The following MTA3 variants were observed in gnomAD, a reference collection of about 807,000 sequenced individuals.
MTA3 encodes metastasis-associated protein MTA3.
Under a neutral mutation model 83.5 loss-of-function variants are expected in MTA3, and 34 were observed. The observed-to-expected ratio is 0.41, with a 90% CI of 0.31 to 0.54. MTA3 has a LOEUF of 0.54. Ranked by LOEUF, MTA3 falls within the 20% of genes least tolerant of loss-of-function variation. The pLI is 0.33. For synonymous variants in MTA3, 303 were observed against 252.7 expected (o/e 1.20, Z -1.89); for missense variants, 761 against 726.4 (o/e 1.05, Z -0.55).
chr2:42,506,791 A>G (rs945609040), intron 2 of MTA3, among the ~76,000 whole-genome samples: 17 of 152,150 alleles, frequency 1.1e-4, no homozygotes, highest in Middle Eastern at 3.4e-3. Context: ...TAAATTTAGT[A>G]GAGACGGGTT....
chr2:42,674,743 C>T (rs1045971132), intron 8 of MTA3, among the ~76,000 whole-genome samples: 1 of 151,474 alleles, frequency 6.6e-6, no homozygotes. Flanking sequence ...GGACTACAGG[C>T]GCGTGCCACC....
chr2:42,527,044 C>A (rs927537393), intron 2 of MTA3, among the ~76,000 whole-genome samples: 1 of 119,314 alleles, frequency 8.4e-6, no homozygotes, highest in African/African-American at 3.4e-5. Flanking sequence ...CAAAGCAAGA[C>A]TCTGTCTCAA....
chr2:42,622,763 A>G (rs557939519), intron 4 of MTA3, among the ~76,000 whole-genome samples: 1 of 151,626 alleles, frequency 6.6e-6, no homozygotes, highest in Admixed American at 6.6e-5. Flanking sequence ...AAGTGCTGGG[A>G]TTATAGGTGT....
chr2:42,520,275 G>A (rs895630246), intron 2 of MTA3, among the ~76,000 whole-genome samples: 2 of 152,034 alleles, frequency 1.3e-5, no homozygotes, highest in Non-Finnish European at 1.5e-5. Flanking sequence ...TAGATCTCCC[G>A]TTCTTTTCCA....
chr2:42,752,106 T>G, intron 16 of MTA3: 1 of 459,720 alleles, frequency 2.2e-6, no homozygotes, highest in Non-Finnish European at 4.5e-6. Context: ...TTACATAACC[T>G]ACAGTATGTT....
intron 16 of MTA3, among the ~76,000 whole-genome samples, chr2:42,730,038 A>G (rs908122306): frequency 2.0e-4 from 31 of 152,144 alleles, no homozygotes; most frequent in South Asian, 2.1e-4. Flanking sequence ...GTGTTGTCAT[A>G]TAGAAATACT....
chr2:42,698,974 A>G lies in MTA3; in HGVS notation c.1025+1140A>G, dbSNP rs557373882. On this transcript the variant is annotated intron_variant, in intron 11 of 16. Transcript: ENST00000405094. ...CTCAAATAAAATACTGTTGCAACTC[A>G]TGTGTCTTAGATTTTCAAAAGCAAG... 2.0e-5 allele frequency among the ~76,000 whole-genome samples: 3 copies of G among 152,298 alleles called. No individual in the cohort carries two copies. The South Asian group carries it at 6.2e-4, about 32-fold the overall frequency.
chr2:42,559,359 A>C (rs1369038875), intron 2 of MTA3, among the ~76,000 whole-genome samples: 2 of 151,584 alleles, frequency 1.3e-5, no homozygotes, highest in Admixed American at 6.6e-5. Context: ...AAAATTAGCC[A>C]GGCGTGGTGG....
At chr2:42,563,890 C>T (rs1403574328), upstream of MTA3, among the ~76,000 whole-genome samples, 3 of 151,178 alleles carry the variant, frequency 2.0e-5, no homozygotes, top group Non-Finnish European at 4.4e-5. Context: ...ATGGCGCGAT[C>T]TCGGCTCACT....
At chr2:42,567,745 C>CGTAACCA (rs1238020766), upstream of MTA3, among the ~76,000 whole-genome samples, 2 of 151,912 alleles carry the variant, frequency 1.3e-5, no homozygotes, top group Non-Finnish European at 2.9e-5. Flanking sequence ...GCTTTAGGCA[C>CGTAACCA]GTAACCAGTT....
chr2:42,577,040 G>A (rs1450568456), intron 2 of MTA3, among the ~76,000 whole-genome samples: 3 of 140,708 alleles, frequency 2.1e-5, no homozygotes, highest in Admixed American at 7.7e-5. Context: ...GTTGCAGTGA[G>A]CCGAGATTGT....
chr2:42,693,286 G>A (rs116682350), intron 9 of MTA3, among the ~76,000 whole-genome samples: 7 of 152,274 alleles, frequency 4.6e-5, no homozygotes, highest in African/African-American at 1.7e-4. Context: ...ACAATCAGCA[G>A]GTGGCAAAGT....
chr2:42,554,867 C>G (rs1225150384), intron 2 of MTA3, among the ~76,000 whole-genome samples: 1 of 152,138 alleles, frequency 6.6e-6, no homozygotes, highest in African/African-American at 2.4e-5. Flanking sequence ...CTGCCTGACA[C>G]CCTACTACCC....
chr2:42,730,835 G>A (rs1668183500), intron 16 of MTA3, among the ~76,000 whole-genome samples: 1 of 151,998 alleles, frequency 6.6e-6, no homozygotes, highest in African/African-American at 2.4e-5. Flanking sequence ...TAGGGTCCTG[G>A]GCTTTTTTTC....
intron 2 of MTA3, among the ~76,000 whole-genome samples, chr2:42,529,832 C>T (rs1042787523): frequency 2.0e-5 from 3 of 152,162 alleles, no homozygotes; most frequent in Admixed American, 6.6e-5. Context: ...AAAGGTTTAA[C>T]GGCACTCCAT....
intron 11 of MTA3, 55 bp from the exon 12 acceptor site, chr2:42,704,139 C>A: frequency 1.2e-5 from 19 of 1,561,282 alleles, no homozygotes; most frequent in Non-Finnish European, 1.7e-5. Context: ...TGATATAGAG[C>A]TTTTTGCCTT....
At chr2:42,721,050 T>TCCTACTGTG (rs1667375122) in intron 15 of MTA3, among the ~76,000 whole-genome samples, 1 of 151,842 alleles carries the variant, frequency 6.6e-6, no homozygotes, top group Non-Finnish European at 1.5e-5. Context: ...GTGGGCAAAT[T>TCCTACTGTG]GGTCTCTATA....
chr2:42,618,262 C>G (rs943203111), intron 4 of MTA3, among the ~76,000 whole-genome samples: 1 of 152,022 alleles, frequency 6.6e-6, no homozygotes, highest in Non-Finnish European at 1.5e-5. Flanking sequence ...CTTCCCTTTC[C>G]TAGTAGTAAA....
chr2:42,504,437 C>T (rs1193054564), intron 2 of MTA3, among the ~76,000 whole-genome samples: 20 of 152,098 alleles, frequency 1.3e-4, no homozygotes, highest in Non-Finnish European at 2.2e-4. Context: ...GATGGCGTTT[C>T]GCCATGTTGA....
Sources: gnomAD v4.1 joint callset for allele counts (sites outside exome capture counted in the v4.1 genomes callset) on GRCh38, gnomAD v4.1.1 for gene constraint, MANE v1.5 for transcripts, NCBI Gene and HGNC (gene_info 2026-07-23, HGNC 2026-07-21) for gene names.